ADAMTS19: variants seen among roughly 807,000 people sequenced by gnomAD.
ADAMTS19 encodes A disintegrin and metalloproteinase with thrombospondin motifs 19.
ADAMTS19 carries 93 observed loss-of-function variants against 153.3 expected under a neutral mutation model. That is an observed-to-expected ratio of 0.61 (90% CI 0.51 to 0.72). The LOEUF (loss-of-function observed/expected upper bound fraction) is 0.72, where lower values mean the gene tolerates loss of function less well. Ranked by LOEUF, ADAMTS19 falls within the 30% of genes least tolerant of loss-of-function variation. ADAMTS19 has a pLI of 0.00. For missense variants in ADAMTS19, 1,482 were observed against 1,552.1 expected, an observed-to-expected ratio of 0.95 and a Z score of 0.76; for synonymous variants, 600 against 556.6, an observed-to-expected ratio of 1.08 and a Z score of -1.10.
intron 7 of ADAMTS19, among the ~76,000 whole-genome samples, chr5:129,587,429 G>T (rs946325720): frequency 6.6e-6 from 1 of 151,642 alleles, no homozygotes; most frequent in Non-Finnish European, 1.5e-5. Context: ...ACCTGCTCAC[G>T]CAAGCCTGGT....
chr5:129,608,351 A>AT (rs1294137894), intron 8 of ADAMTS19, among the ~76,000 whole-genome samples: 2 of 151,658 alleles, frequency 1.3e-5, no homozygotes, highest in East Asian at 3.9e-4. Flanking sequence ...GATGAGGGGA[A>AT]TGGGGAGATA....
chr5:129,690,035 A>T (rs1361593720), intron 18 of ADAMTS19, among the ~76,000 whole-genome samples: 1 of 152,134 alleles, frequency 6.6e-6, no homozygotes, highest in East Asian at 1.9e-4. Context: ...ATTGAGATGA[A>T]CCTCTTAGTA....
chr5:129,589,314 T>A (rs1305282144), intron 7 of ADAMTS19, among the ~76,000 whole-genome samples: 1 of 151,910 alleles, frequency 6.6e-6, no homozygotes, highest in African/African-American at 2.4e-5. Flanking sequence ...TAGCACTTTT[T>A]TTACTAGTTC....
chr5:129,695,003 A>T (rs1755492861), intron 19 of ADAMTS19, 148 bp downstream of exon 19: 1 of 1,083,724 alleles, frequency 9.2e-7, no homozygotes, highest in Non-Finnish European at 1.2e-6. Flanking sequence ...AATAAGCAAG[A>T]TCTAAGAAAG....
intron 7 of ADAMTS19, among the ~76,000 whole-genome samples, chr5:129,595,961 A>G (rs185987979): frequency 5.3e-5 from 8 of 152,088 alleles, no homozygotes; most frequent in Admixed American, 5.2e-4. Flanking sequence ...TTTTATCTTA[A>G]TATTTCAGTA....
At position 129,461,445 on chromosome 5, in the gene ADAMTS19, G is replaced by T. The variant is rs1181842305; in HGVS notation, c.435G>T (p.Ser145=). The T allele has an allele frequency of 2.4e-5, 35 of 1,435,530 alleles. 1 individual carries two copies. Among genetic ancestry groups the T allele is most frequent in the African/African-American group, 1.8e-4 (12 of 66,898 alleles). The allele number at this position is 1,435,530 out of a possible 1,614,324, so 88.9% of individuals were successfully genotyped here. ...CCTTGTCCCCGGGCGCCCCGGCCTC[G>T]TGGCAGCCGCCGCCTCCCCCGCAGC... ...AAALSPGAPA[S]WQPPPPPQPP... is the part of the protein sequence containing the mutation. Residue 145 remains serine, a synonymous_variant, in exon 2 of 23, where the codon TCG becomes TCT. Coordinates refer to ENST00000274487, the MANE Select transcript of ADAMTS19 (RefSeq NM_133638.6). The surrounding 1 kb of genome is among the most constrained non-coding windows in gnomAD (Gnocchi z 4.6).
At position 129,658,375 on chromosome 5, in the gene ADAMTS19, GAGGA is replaced by G. The variant is rs1487435042; in HGVS notation, c.2305-230_2305-227del. Reference sequence around the variant, plus strand: ...AAAGAAAGAAAGAAAGAAAGAGAGAGAGGAAGGAAGGAAGGTAGGTAGGTTATCT... The same window carrying G: ...AAAGAAAGAAAGAAAGAAAGAGAGAGAGGAAGGAAGGTAGGTAGGTTATCT... On this transcript the variant is annotated intron_variant, in intron 14 of 22. Transcript: ENST00000274487. Among the ~76,000 whole-genome samples, 27 of 148,798 alleles carry G rather than the reference GAGGA, an allele frequency of 1.8e-4. 3 individuals carry two copies. The highest frequency in any genetic ancestry group is 6.5e-4 in the African/African-American group (26 of 39,732).
Position 129,461,254 on chromosome 5 carries a change from G to C in ADAMTS19, c.244G>C (p.Ala82Pro). Residue 82 changes from alanine (A) to proline (P), a missense_variant, in exon 2 of 23, where the codon GCT (alanine) becomes CCT (proline). Physicochemically the swap from Ala to Pro is conservative, Grantham distance 27 (BLOSUM62 -1). Coordinates refer to ENST00000274487, the MANE Select transcript of ADAMTS19 (RefSeq NM_133638.6). The surrounding 1 kb of genome is among the most constrained non-coding windows in gnomAD (Gnocchi z 4.6). ...VGGGGSARAQAAGSSREVRSV... is the reference protein window; with the variant it reads ...VGGGGSARAQPAGSSREVRSV... ...GGGCGGCGGAAGCGCCCGGGCGCAG[G>C]CTGCCGGCAGCTCACGCGAGGTGCG... 1 of 1,263,850 alleles carries C rather than the reference G, an allele frequency of 7.9e-7. No individual in the cohort carries two copies. Among genetic ancestry groups the C allele is most frequent in the Non-Finnish European group, 9.9e-7 (1 of 1,010,186 alleles). 78.3% of individuals were successfully genotyped at this position (1,263,850 alleles called of 1,614,324 possible).
intron 2 of ADAMTS19, among the ~76,000 whole-genome samples, chr5:129,464,855 C>A (rs568179233): frequency 6.6e-6 from 1 of 152,248 alleles, no homozygotes; most frequent in African/African-American, 2.4e-5. Context: ...TATTGAATAA[C>A]AGTCTTATTT....
chr5:129,491,826 G>GTGATATTTGTAATT lies in ADAMTS19; in HGVS notation c.748-17246_748-17245insTTTGTAATTTGATA, dbSNP rs1750780142. On this transcript the variant is annotated intron_variant, in intron 2 of 22. Coordinates refer to ENST00000274487, the MANE Select transcript of ADAMTS19 (RefSeq NM_133638.6). ...GGTTCAATAAAAAGCAAATTACAGA[G>GTGATATTTGTAATT]TGATACATAGATTATGTTACTTAAT... Among the ~76,000 whole-genome samples, 3 of 152,168 alleles carry GTGATATTTGTAATT rather than the reference G, an allele frequency of 2.0e-5. No homozygotes were observed. The South Asian group carries it at 6.2e-4, about 32-fold the overall frequency.
At chr5:129,659,479 C>T (rs146990929) in intron 15 of ADAMTS19, among the ~76,000 whole-genome samples, 28 of 152,266 alleles carry the variant, frequency 1.8e-4, no homozygotes, top group African/African-American at 6.5e-4. Context: ...CAAACATTTT[C>T]TGTGTTTACA....
chr5:129,521,787 T>C (rs1751811358), intron 3 of ADAMTS19, among the ~76,000 whole-genome samples: 1 of 152,120 alleles, frequency 6.6e-6, no homozygotes, highest in African/African-American at 2.4e-5. Context: ...AGTTGAACAG[T>C]AGACTGAGAA....
At chr5:129,601,318 ATACT>A (rs1482998937) in intron 8 of ADAMTS19, among the ~76,000 whole-genome samples, 1 of 152,142 alleles carries the variant, frequency 6.6e-6, no homozygotes, top group African/African-American at 2.4e-5. Context: ...GTGAATGAAA[ATACT>A]TAGTTTTTCA....
chr5:129,648,743 C>T, intron 12 of ADAMTS19, 55 bp from the exon 13 acceptor site: 3 of 1,453,106 alleles, frequency 2.1e-6, no homozygotes, highest in Non-Finnish European at 1.9e-6. Flanking sequence ...TAATTTAAAA[C>T]CTAGGTAGTT....
chr5:129,689,090 A>G (rs1300854550), intron 18 of ADAMTS19, among the ~76,000 whole-genome samples: 1 of 152,254 alleles, frequency 6.6e-6, no homozygotes, highest in Non-Finnish European at 1.5e-5. Flanking sequence ...GAAATAAAAT[A>G]GAATGAGGAC....
intron 2 of ADAMTS19, among the ~76,000 whole-genome samples, chr5:129,469,113 C>T (rs1478850559): frequency 6.6e-6 from 1 of 151,766 alleles, no homozygotes; most frequent in Non-Finnish European, 1.5e-5. Context: ...ATTTTTATTT[C>T]TAATTCCAAA....
At chr5:129,481,345 G>A (rs1750402746) in intron 2 of ADAMTS19, among the ~76,000 whole-genome samples, 1 of 152,036 alleles carries the variant, frequency 6.6e-6, no homozygotes, top group African/African-American at 2.4e-5. Flanking sequence ...ACAGCGTGGG[G>A]GAAACCACCC....
At chr5:129,539,531 A>C (rs906222783) in intron 6 of ADAMTS19, among the ~76,000 whole-genome samples, 1 of 152,196 alleles carries the variant, frequency 6.6e-6, no homozygotes, top group South Asian at 2.1e-4. Flanking sequence ...CACTAAGTTC[A>C]TGGTAATCTG....
chr5:129,704,678 C>T (rs1756063923), intron 21 of ADAMTS19, among the ~76,000 whole-genome samples: 1 of 152,038 alleles, frequency 6.6e-6, no homozygotes. Flanking sequence ...TCATATAGTT[C>T]TCAGAATATT....
Sources: gnomAD v4.1 joint callset for allele counts (sites outside exome capture counted in the v4.1 genomes callset) on GRCh38, gnomAD v4.1.1 for gene constraint, Gnocchi (gnomAD v3.1) non-coding constraint, MANE v1.5 for transcripts, NCBI Gene and HGNC (gene_info 2026-07-23, HGNC 2026-07-21) for gene names.